Variants in RFX4 observed in about 807,000 individuals in gnomAD.
RFX4 encodes the protein transcription factor RFX4.
In RFX4, 10 loss-of-function variants were observed where a neutral mutation model predicts 95.0. The ratio of observed to expected loss-of-function variants is 0.11; its 90% CI spans 0.06 to 0.18. The LOEUF (loss-of-function observed/expected upper bound fraction) is 0.18, where lower values mean the gene tolerates loss of function less well. RFX4 is among the 10% of genes least tolerant of loss of function. The pLI is 1.00. For synonymous variants in RFX4, 321 were observed against 340.7 expected (o/e 0.94, Z 0.64); for missense variants, 640 against 922.0 (o/e 0.69, Z 3.96).
intron 8 of RFX4, among the ~76,000 whole-genome samples, chr12:106,700,333 T>C (rs2041960636): frequency 6.6e-6 from 1 of 150,864 alleles, no homozygotes; most frequent in Non-Finnish European, 1.5e-5. Context: ...TGCCTGGCCA[T>C]GATTGTCTTT....
chr12:106,752,102 A>C (rs952639588), intron 17 of RFX4, among the ~76,000 whole-genome samples: 1 of 151,124 alleles, frequency 6.6e-6, no homozygotes, highest in African/African-American at 2.4e-5. Flanking sequence ...TCCATCTTGA[A>C]TTGATTTTTG....
chr12:106,618,831 T>C (rs2040124779), intron 2 of RFX4, among the ~76,000 whole-genome samples: 1 of 152,170 alleles, frequency 6.6e-6, no homozygotes, highest in Non-Finnish European at 1.5e-5. Context: ...ACTTTTTAGC[T>C]TTTTGGGAAG....
intron 3 of RFX4, among the ~76,000 whole-genome samples, chr12:106,642,330 GAC>G (rs2041780949): frequency 6.6e-6 from 1 of 151,124 alleles, no homozygotes; most frequent in African/African-American, 2.4e-5. Context: ...TTAAACTAAT[GAC>G]ACTCAGGGCA....
At chr12:106,660,877 A>T (rs1444271441) in intron 4 of RFX4, among the ~76,000 whole-genome samples, 5 of 152,166 alleles carry the variant, frequency 3.3e-5, no homozygotes, top group Non-Finnish European at 7.4e-5. Context: ...ATGAAAATCT[A>T]ATGCCTGATG....
intron 4 of RFX4, among the ~76,000 whole-genome samples, chr12:106,669,169 T>C (rs1393101953): frequency 1.3e-5 from 2 of 152,088 alleles, no homozygotes; most frequent in African/African-American, 2.4e-5. Context: ...GATGTGGAAA[T>C]TAAAGCTCAG....
At position 106,585,349 on chromosome 12, in the gene RFX4, G is replaced by A. The variant is rs146852622; in HGVS notation, c.43+1986G>A. ...CCTCAACTGCAAACACTCCAGAGAC[G>A]TTCTGAAATGAAATCCTTTCCCCAT... On this transcript the variant is annotated intron_variant, in intron 1 of 17. Transcript: ENST00000392842. Among the ~76,000 whole-genome samples, 673 of 152,290 alleles carry A rather than the reference G, an allele frequency of 4.4e-3. 19 individuals carry two copies. Among genetic ancestry groups the A allele is most frequent in the Admixed American group, 0.04 (617 of 15,300 alleles).
intron 4 of RFX4, among the ~76,000 whole-genome samples, chr12:106,655,228 C>CA (rs1374021562): frequency 2.0e-5 from 3 of 152,030 alleles, no homozygotes; most frequent in African/African-American, 7.2e-5. Flanking sequence ...CTGGAGAGCC[C>CA]AAAAATGGAG....
At chr12:106,595,730 C>A (rs904351632) in intron 1 of RFX4, among the ~76,000 whole-genome samples, 1 of 152,190 alleles carries the variant, frequency 6.6e-6, no homozygotes, top group African/African-American at 2.4e-5. Context: ...GTTAAAAGAA[C>A]AGCACCTTCC....
chr12:106,669,837 GGGGTGTGTGTGTGTGT>G (rs1565972588), intron 4 of RFX4, among the ~76,000 whole-genome samples: 2 of 54,490 alleles, frequency 3.7e-5, no homozygotes, highest in African/African-American at 7.6e-5. Context: ...GTTTTTTCTA[GGGGTGTGTGTGTGTGT>G]GTGTGTGTGT....
intron 4 of RFX4, chr12:106,662,153 G>C (rs2041087764): frequency 2.5e-6 from 1 of 401,800 alleles, no homozygotes; most frequent in Non-Finnish European, 4.9e-6. Flanking sequence ...GTCTTCCAAA[G>C]TGGCTGTACC....
chr12:106,708,205 A>G (rs2042123544), intron 8 of RFX4, among the ~76,000 whole-genome samples: 1 of 152,154 alleles, frequency 6.6e-6, no homozygotes, highest in African/African-American at 2.4e-5. Context: ...GACCGTCGGT[A>G]ATGTAGATTT....
At chr12:106,667,466 T>A (rs1403236138) in intron 4 of RFX4, among the ~76,000 whole-genome samples, 1 of 152,346 alleles carries the variant, frequency 6.6e-6, no homozygotes, top group East Asian at 1.9e-4. Flanking sequence ...ATATTTACTG[T>A]GGGAACCTGG....
Position 106,687,110 on chromosome 12 carries a change from G to T in RFX4, c.591+13G>T. The T allele has an allele frequency of 6.2e-7, 1 of 1,610,768 alleles. No individual in the cohort carries two copies. Among genetic ancestry groups the T allele is most frequent in the Non-Finnish European group, 8.5e-7 (1 of 1,178,672 alleles). On this transcript the variant is annotated intron_variant, in intron 6 of 17. Transcript: ENST00000392842. ...GCCTGAGGAGAAGGTAACTACAACT[G>T]AAGTGACTATTTGGGGTGGGTGGTT...
At chr12:106,639,309 C>G in intron 2 of RFX4, 23 bp from the exon 3 acceptor site, 4 of 1,607,984 alleles carry the variant, frequency 2.5e-6, no homozygotes, top group Non-Finnish European at 3.4e-6. Flanking sequence ...CTGAAGTTAG[C>G]TTCTTTTTCT....
Position 106,586,174 on chromosome 12 carries a change from AG to A in RFX4, c.43+2813del, listed in dbSNP as rs1397161214. On this transcript the variant is annotated intron_variant, in intron 1 of 17. Coordinates refer to ENST00000392842, the MANE Select transcript of RFX4 (RefSeq NM_213594.3). This position sits in a 1 kb window ranked among gnomAD's most constrained non-coding sequence, Gnocchi z 5.6. The stretch of plus-strand genomic sequence containing the variant: ...GCCGCGGTGCTCCGGCAGGAGGCAA[AG>A]GCGACAGGCGCGCGCAGGGGCAGTC... Among the ~76,000 whole-genome samples, 1 of 152,106 alleles carries A rather than the reference AG, an allele frequency of 6.6e-6. No individual in the cohort carries two copies. Among genetic ancestry groups the A allele is most frequent in the African/African-American group, 2.4e-5 (1 of 41,430 alleles).
chr12:106,676,221 G>A (rs141937040), intron 4 of RFX4, among the ~76,000 whole-genome samples: 449 of 152,318 alleles, frequency 2.9e-3, no homozygotes, highest in African/African-American at 9.7e-3. Context: ...TGCATGCTGC[G>A]TGGCTGGATG....
chr12:106,733,356 T>G (rs2042649784), intron 15 of RFX4: 1 of 308,086 alleles, frequency 3.2e-6, no homozygotes, highest in African/African-American at 2.1e-5. Flanking sequence ...AAAACATTCT[T>G]CTCCCACAAT....
chr12:106,668,526 T>C (rs942269167), intron 4 of RFX4, among the ~76,000 whole-genome samples: 1 of 152,110 alleles, frequency 6.6e-6, no homozygotes, highest in Non-Finnish European at 1.5e-5. Flanking sequence ...AGCTCCTGAG[T>C]TCGAGTCCAG....
At chr12:106,654,102 C>A in intron 3 of RFX4, 126 bp from the exon 4 acceptor site, 3 of 1,304,468 alleles carry the variant, frequency 2.3e-6, no homozygotes, top group Non-Finnish European at 3.3e-6. Flanking sequence ...TGGGCCCCAG[C>A]TTCTCCACCT....
Sources: allele counts gnomAD v4.1 joint callset (sites outside exome capture counted in the v4.1 genomes callset), GRCh38; gene constraint gnomAD v4.1.1; non-coding constraint Gnocchi (gnomAD v3.1); transcripts MANE v1.5; gene names NCBI Gene and HGNC (gene_info 2026-07-23, HGNC 2026-07-21).